CALN1: variants seen among roughly 807,000 people sequenced by gnomAD.
CALN1 encodes calneuron 1.
Under a neutral mutation model 30.6 loss-of-function variants are expected in CALN1, and 17 were observed. The ratio of observed to expected loss-of-function variants is 0.56; its 90% CI spans 0.38 to 0.83. The LOEUF (loss-of-function observed/expected upper bound fraction) is 0.83. Among genes scored for constraint, CALN1 ranks in the 40% least tolerant of loss-of-function variants. The probability of loss-of-function intolerance (pLI) is 0.00; values close to 1 mark genes in which losing one functional copy is unlikely to be tolerated. For missense variants in CALN1, 291 were observed against 354.9 expected (o/e 0.82, Z 1.45); for synonymous variants, 156 against 131.4 (o/e 1.19, Z -1.28).
the CALN1 span, among the ~76,000 whole-genome samples, chr7:72,483,280 CTTTTTTTTT>C: frequency 4.0e-5 from 4 of 100,100 alleles, no homozygotes; most frequent in Admixed American, 1.1e-4. Context: ...TTTTCTTTTT[CTTTTTTTTT>C]TTTTTTTTTT....
At chr7:72,345,993 T>C (rs1206011325) in intron 2 of CALN1, among the ~76,000 whole-genome samples, 5 of 152,044 alleles carry the variant, frequency 3.3e-5, no homozygotes, top group South Asian at 2.1e-4. Flanking sequence ...AAATCAAACA[T>C]AGGAAATTCA....
At chr7:72,454,013 T>TATATATATATATATA in the CALN1 span, among the ~76,000 whole-genome samples, 1 of 151,686 alleles carries the variant, frequency 6.6e-6, no homozygotes, top group African/African-American at 2.4e-5. Flanking sequence ...TATATATATA[T>TATATATATATATATA]TCATGGGCAA....
At chr7:72,132,962 C>G (rs973760512) in intron 3 of CALN1, among the ~76,000 whole-genome samples, 1 of 151,984 alleles carries the variant, frequency 6.6e-6, no homozygotes, top group Non-Finnish European at 1.5e-5. Context: ...CTCATAGGAG[C>G]GGGTACCCTA....
chr7:71,835,567 A>T (rs561365038), intron 5 of CALN1, among the ~76,000 whole-genome samples: 1 of 152,308 alleles, frequency 6.6e-6, no homozygotes, highest in African/African-American at 2.4e-5. Context: ...TCAATTATAC[A>T]TCCTGGCCTC....
chr7:72,359,003 C>CAA (rs980064536), intron 2 of CALN1, among the ~76,000 whole-genome samples: 2 of 151,876 alleles, frequency 1.3e-5, no homozygotes, highest in Admixed American at 1.3e-4. Flanking sequence ...ACCAACACCA[C>CAA]AAACCTGCCA....
At chr7:71,899,572 G>A (rs1490194082) in intron 5 of CALN1, among the ~76,000 whole-genome samples, 1 of 152,084 alleles carries the variant, frequency 6.6e-6, no homozygotes, top group Non-Finnish European at 1.5e-5. Context: ...TCATGTTCCT[G>A]AATGGCAAAA....
chr7:72,061,495 A>C, intron 4 of CALN1, among the ~76,000 whole-genome samples: 1 of 152,110 alleles, frequency 6.6e-6, no homozygotes. Flanking sequence ...TGATATAAAC[A>C]AGACTACAAT....
chr7:72,212,495 G>C (rs569837), intron 3 of CALN1, among the ~76,000 whole-genome samples: 1,559 of 152,156 alleles, frequency 0.01, 26 homozygotes, highest in African/African-American at 0.036. Context: ...ATGCATTGGG[G>C]GTACCATAGA....
intron 3 of CALN1, among the ~76,000 whole-genome samples, chr7:72,174,606 A>G (rs879844749): frequency 2.6e-5 from 4 of 152,232 alleles, no homozygotes; most frequent in Non-Finnish European, 5.9e-5. Context: ...AACAACACAG[A>G]TGAATCTCAA....
At chr7:72,355,699 T>C (rs1308466304) in intron 2 of CALN1, among the ~76,000 whole-genome samples, 1 of 152,204 alleles carries the variant, frequency 6.6e-6, no homozygotes, top group African/African-American at 2.4e-5. Flanking sequence ...TACATATCCA[T>C]TATTTCATTC....
intron 4 of CALN1, among the ~76,000 whole-genome samples, chr7:72,099,560 AC>A (rs1347306192): frequency 6.6e-6 from 1 of 151,804 alleles, no homozygotes; most frequent in East Asian, 1.9e-4. Flanking sequence ...TGAGAAGTTT[AC>A]TCATTGGCAA....
intron 2 of CALN1, among the ~76,000 whole-genome samples, chr7:72,375,528 T>A (rs113397656): frequency 3.4e-5 from 5 of 146,328 alleles, no homozygotes; most frequent in African/African-American, 1.3e-4. Flanking sequence ...ACTGCACCAC[T>A]GTACTCCACC....
chr7:72,280,941 G>A (rs763738512), intron 2 of CALN1, among the ~76,000 whole-genome samples: 3 of 151,962 alleles, frequency 2.0e-5, no homozygotes, highest in Non-Finnish European at 4.4e-5. Context: ...TCAGGAGTTC[G>A]AGACCAGCCT....
intron 3 of CALN1, among the ~76,000 whole-genome samples, chr7:72,192,497 A>G (rs943044145): frequency 1.3e-5 from 2 of 152,166 alleles, no homozygotes; most frequent in African/African-American, 4.8e-5. Flanking sequence ...ATGTTTATGC[A>G]GGAAAGTTAT....
rs145693099 is a variant in CALN1, at chr7:71,889,435, A to T, written c.502-78943T>A. On this transcript the variant is annotated intron_variant, in intron 5 of 6. Coordinates refer to ENST00000395275, the MANE Select transcript of CALN1 (RefSeq NM_031468.4). ...ACTCTATAGTGTAAATTAAAAAATAAAACACATGCTCACAGTAGCTTCCCC... is the reference window on the plus strand; with the variant it reads ...ACTCTATAGTGTAAATTAAAAAATATAACACATGCTCACAGTAGCTTCCCC... Among the ~76,000 whole-genome samples, 20 of 152,330 alleles carry T rather than the reference A, an allele frequency of 1.3e-4. No homozygotes were observed. The East Asian group carries it at 3.9e-3, about 29-fold the overall frequency.
In CALN1 at chr7:72,274,921, T is replaced by C. The variant is rs75893500; in HGVS notation, c.244+3765A>G. Among the ~76,000 whole-genome samples, 45 of 152,156 alleles carry C rather than the reference T, an allele frequency of 3.0e-4. 1 individual carries two copies. The East Asian group carries it at 7.4e-3, about 25-fold the overall frequency. ...CTGAGCTTTGTGTAAAGAGAAGAAATAGGGACTTCCCAGAAGGGAATTGCA... is the reference window on the plus strand; with the variant it reads ...CTGAGCTTTGTGTAAAGAGAAGAAACAGGGACTTCCCAGAAGGGAATTGCA... On this transcript the variant is annotated intron_variant, in intron 3 of 6. Coordinates refer to ENST00000395275, the MANE Select transcript of CALN1 (RefSeq NM_031468.4).
chr7:71,934,932 C>G (rs190298169), intron 5 of CALN1, among the ~76,000 whole-genome samples: 1 of 152,038 alleles, frequency 6.6e-6, no homozygotes, highest in Non-Finnish European at 1.5e-5. Context: ...AGCACTTATT[C>G]ACTAATACGA....
intron 3 of CALN1, among the ~76,000 whole-genome samples, chr7:72,247,714 G>C (rs1013761450): frequency 6.6e-6 from 1 of 152,190 alleles, no homozygotes; most frequent in African/African-American, 2.4e-5. Flanking sequence ...AATGTGGCCA[G>C]GCATGGAGGC....
chr7:72,331,663 T>G lies in CALN1; in HGVS notation c.120-52853A>C, dbSNP rs368705253. On this transcript the variant is annotated intron_variant, in intron 2 of 6. Transcript: ENST00000395275. ...ATATCTATTTATTTACTTATTCATT[T>G]TATTTTTTTTCCAACTGTTACCTTG... Among the ~76,000 whole-genome samples the G allele has an allele frequency of 1.2e-4, 19 of 152,304 alleles. No homozygotes were observed. The East Asian group carries it at 2.1e-3, about 17-fold the overall frequency.
Sources: allele counts gnomAD v4.1 joint callset (sites outside exome capture counted in the v4.1 genomes callset), GRCh38; gene constraint gnomAD v4.1.1; transcripts MANE v1.5; gene names NCBI Gene and HGNC (gene_info 2026-07-23, HGNC 2026-07-21).